Variants in PKIA observed in about 807,000 individuals in gnomAD.
PKIA encodes the protein PKI-alpha.
In PKIA, 4 loss-of-function variants were observed where a neutral mutation model predicts 7.6. That is an observed-to-expected ratio of 0.52 (90% CI 0.26 to 1.20). The LOEUF is 1.20. Among genes scored for constraint, PKIA ranks in the 50% most tolerant of loss-of-function variants. The pLI is 0.13. For synonymous variants in PKIA, 21 were observed against 30.7 expected, an observed-to-expected ratio of 0.68 and a Z score of 1.04; for missense variants, 73 against 86.2, an observed-to-expected ratio of 0.85 and a Z score of 0.61.
chr8:78,581,404 G>T (rs997190949), intron 2 of PKIA, among the ~76,000 whole-genome samples: 1 of 152,030 alleles, frequency 6.6e-6, no homozygotes, highest in African/African-American at 2.4e-5. Flanking sequence ...AAAGTATCTT[G>T]CCACAAAATG....
intron 1 of PKIA, among the ~76,000 whole-genome samples, chr8:78,525,202 A>C (rs1470547738): frequency 6.6e-6 from 1 of 151,788 alleles, no homozygotes; most frequent in Non-Finnish European, 1.5e-5. Context: ...TCCCCTTTTC[A>C]ACTATAGCAG....
intron 2 of PKIA, among the ~76,000 whole-genome samples, chr8:78,593,370 C>A (rs1808150232): frequency 6.6e-6 from 1 of 152,148 alleles, no homozygotes; most frequent in African/African-American, 2.4e-5. Flanking sequence ...ATCAGCCTGC[C>A]TCGGCCTCCC....
intron 1 of PKIA, among the ~76,000 whole-genome samples, chr8:78,529,538 A>G (rs1051276679): frequency 6.6e-6 from 1 of 152,096 alleles, no homozygotes; most frequent in Non-Finnish European, 1.5e-5. Flanking sequence ...TAAAAATACT[A>G]ATTTGTGCAT....
intron 2 of PKIA, among the ~76,000 whole-genome samples, chr8:78,578,530 GA>G (rs932718377): frequency 1.6e-5 from 1 of 64,486 alleles, no homozygotes; most frequent in African/African-American, 6.4e-5. Context: ...ACTTGTAGTA[GA>G]AAAAAATCAT....
chr8:78,598,345 C>T lies in PKIA; in HGVS notation c.-27-13C>T. The T allele has an allele frequency of 1.3e-6, 2 of 1,548,606 alleles. No individual in the cohort carries two copies. Among genetic ancestry groups the T allele is most frequent in the South Asian group, 2.3e-5 (2 of 85,320 alleles). On this transcript the variant is annotated splice_polypyrimidine_tract_variant and intron_variant, in intron 2 of 3. Transcript: ENST00000396418. ...CCATTATATTCACCTATTAATTTTC[C>T]TTTCTTTTGTAGTCCCTGCTATGTG...
intron 2 of PKIA, chr8:78,591,139 T>A (rs559675677): frequency 2.0e-5 from 3 of 152,608 alleles, no homozygotes; most frequent in Non-Finnish European, 4.4e-5. Context: ...ATGTGTCCCA[T>A]TTACAGGAGT....
At position 78,602,682 on chromosome 8, in the gene PKIA, C is replaced by G. The variant is rs1222468792; in HGVS notation, c.*861C>G. 7.5e-6 allele frequency: 1 copy of G among 133,186 alleles called. No individual in the cohort carries two copies. The highest frequency in any genetic ancestry group is 1.6e-5 in the Non-Finnish European group (1 of 61,922). The allele number at this position is 133,186 out of a possible 1,614,324, so 8.3% of individuals were successfully genotyped here. On this transcript the variant is annotated 3_prime_UTR_variant, in exon 4 of 4. Coordinates refer to ENST00000396418, the MANE Select transcript of PKIA (RefSeq NM_006823.4). ...ATTTGTTTTATTCTCAAGTGGAGAA[C>G]TTCTCCCACATAATATATATATATA... is the stretch of plus-strand genomic sequence containing the variant.
chr8:78,604,488 A>G lies in PKIA; in HGVS notation c.*2667A>G, dbSNP rs1808427422. The stretch of plus-strand genomic sequence containing the variant: ...TGAACTTCTTCAGCCTCCATATTTT[A>G]CAGAAGGAAACTGAATCCCAGAAGG... On this transcript the variant is annotated 3_prime_UTR_variant, in exon 4 of 4. Transcript: ENST00000396418. The G allele has an allele frequency of 6.6e-6, 1 of 151,980 alleles. No homozygotes were observed. Among genetic ancestry groups the G allele is most frequent in the Non-Finnish European group, 1.5e-5 (1 of 67,942 alleles). The allele number at this position is 151,980 out of a possible 1,614,324, so 9.4% of individuals were successfully genotyped here.
chr8:78,549,693 C>T (rs1806931825), intron 1 of PKIA, among the ~76,000 whole-genome samples: 1 of 144,068 alleles, frequency 6.9e-6, no homozygotes, highest in African/African-American at 2.6e-5. Context: ...CAAGTTTGCT[C>T]ACAATTCTGA....
At chr8:78,572,729 G>T (rs1807582680) in intron 1 of PKIA, 82 bp from the exon 2 acceptor site, 1 of 152,020 alleles carries the variant, frequency 6.6e-6, no homozygotes, top group East Asian at 1.9e-4. Context: ...AATGACGGAT[G>T]CTTGAACATT....
At chr8:78,537,975 A>G (rs1352566784) in intron 1 of PKIA, among the ~76,000 whole-genome samples, 1 of 152,010 alleles carries the variant, frequency 6.6e-6, no homozygotes, top group Non-Finnish European at 1.5e-5. Context: ...TCCTCAAAAC[A>G]TAAATCAGGT....
intron 1 of PKIA, among the ~76,000 whole-genome samples, chr8:78,540,124 G>A (rs1314539872): frequency 6.6e-6 from 1 of 151,574 alleles, no homozygotes; most frequent in East Asian, 1.9e-4. Flanking sequence ...TGTAGGAGAT[G>A]CATGGAGAGA....
intron 1 of PKIA, among the ~76,000 whole-genome samples, chr8:78,551,576 G>A (rs555527369): frequency 2.6e-5 from 4 of 152,042 alleles, no homozygotes; most frequent in Admixed American, 6.6e-5. Flanking sequence ...ACACCCCCAA[G>A]AAAGGATCAT....
At chr8:78,564,563 A>C (rs879811541) in intron 1 of PKIA, among the ~76,000 whole-genome samples, 1 of 151,968 alleles carries the variant, frequency 6.6e-6, no homozygotes, top group Non-Finnish European at 1.5e-5. Flanking sequence ...CAACAACTTG[A>C]AAAGTAATTT....
rs964267806 is a variant in PKIA, at chr8:78,516,373, G to A, written c.-252G>A. On this transcript the variant is annotated 5_prime_UTR_variant, in exon 1 of 4. Transcript: ENST00000396418. ...AGGCTGCTGCTGGCAGGTGGGGCGCGGGCCGGCGCGAGCTGACCGAGCACT... is the reference window on the plus strand; with the variant it reads ...AGGCTGCTGCTGGCAGGTGGGGCGCAGGCCGGCGCGAGCTGACCGAGCACT... 2.9e-4 allele frequency: 45 copies of A among 152,594 alleles called. No individual in the cohort carries two copies. The highest frequency in any genetic ancestry group is 1.3e-3 in the Admixed American group (20 of 15,296). The allele number at this position is 152,594 out of a possible 1,614,324, so 9.5% of individuals were successfully genotyped here.
intron 2 of PKIA, among the ~76,000 whole-genome samples, chr8:78,577,575 A>G (rs1182257776): frequency 6.6e-6 from 1 of 151,984 alleles, no homozygotes; most frequent in Non-Finnish European, 1.5e-5. Flanking sequence ...AACTTTCATG[A>G]CATACCTAAA....
chr8:78,555,735 A>T (rs949734318), intron 1 of PKIA, among the ~76,000 whole-genome samples: 5 of 151,854 alleles, frequency 3.3e-5, no homozygotes, highest in African/African-American at 1.2e-4. Context: ...GTGAGTGTCA[A>T]TGTGTGTGTG....
chr8:78,595,445 C>A (rs1359520311), intron 2 of PKIA, among the ~76,000 whole-genome samples: 2 of 152,082 alleles, frequency 1.3e-5, no homozygotes, highest in Non-Finnish European at 2.9e-5. Flanking sequence ...CACCTTCCAA[C>A]TTTTATTTTA....
chr8:78,598,777 A>G (rs1366654336), intron 3 of PKIA, among the ~76,000 whole-genome samples: 1 of 152,136 alleles, frequency 6.6e-6, no homozygotes. Flanking sequence ...TATTAATGCA[A>G]TCAATAAAAC....
Sources: allele counts gnomAD v4.1 joint callset (sites outside exome capture counted in the v4.1 genomes callset), GRCh38; gene constraint gnomAD v4.1.1; transcripts MANE v1.5; gene names NCBI Gene and HGNC (gene_info 2026-07-23, HGNC 2026-07-21).